Variants in NACC1 observed in about 807,000 individuals in gnomAD.
NACC1 encodes the protein nucleus accumbens-associated protein 1.
NACC1 carries 6 observed loss-of-function variants against 41.7 expected under a neutral mutation model. The ratio of observed to expected loss-of-function variants is 0.14; its 90% confidence interval spans 0.08 to 0.28. NACC1 has a LOEUF of 0.28. Ranked by LOEUF, NACC1 falls within the 10% of genes least tolerant of loss-of-function variation. The probability of loss-of-function intolerance (pLI) is 1.00; values close to 1 mark genes in which losing one functional copy is unlikely to be tolerated. For synonymous variants in NACC1, 338 were observed against 330.6 expected, an observed-to-expected ratio of 1.02 and a Z score of -0.24; for missense variants, 434 against 763.7, an observed-to-expected ratio of 0.57 and a Z score of 5.09.
At chr19:13,117,846 G>C (rs533797743), upstream of NACC1, among the ~76,000 whole-genome samples, 184 of 152,252 alleles carry the variant, frequency 1.2e-3, 1 homozygote, top group Non-Finnish European at 1.5e-3. Flanking sequence ...GAGACACCGC[G>C]CCCAGCTGCC....
intron 1 of NACC1, among the ~76,000 whole-genome samples, chr19:13,120,953 T>A (rs1224394583): frequency 6.6e-6 from 1 of 152,202 alleles, no homozygotes; most frequent in East Asian, 1.9e-4. Flanking sequence ...CACTGCTGGG[T>A]GCTGACTCCC....
intron 1 of NACC1, among the ~76,000 whole-genome samples, chr19:13,118,955 TGAG>T (rs1264789506): frequency 2.0e-5 from 3 of 146,550 alleles, no homozygotes; most frequent in Non-Finnish European, 4.5e-5. Context: ...TGGGGGCGGC[TGAG>T]GAGAAGCCCA....
intron 1 of NACC1, among the ~76,000 whole-genome samples, chr19:13,119,089 G>A (rs1296455264): frequency 6.6e-6 from 1 of 151,070 alleles, no homozygotes; most frequent in Non-Finnish European, 1.5e-5. Context: ...GGGGAGGCTA[G>A]ATGTGGGGGC....
chr19:13,137,430 C>T lies in NACC1; in HGVS notation c.1227-48C>T, dbSNP rs201961947. 19 of 1,611,632 alleles carry T rather than the reference C, an allele frequency of 1.2e-5. No homozygotes were observed. Among genetic ancestry groups the T allele is most frequent in the Non-Finnish European group, 1.5e-5 (18 of 1,178,660 alleles). On this transcript the variant is annotated intron_variant, in intron 4 of 5. Coordinates refer to ENST00000292431, the MANE Select transcript of NACC1 (RefSeq NM_052876.4). This position sits in a 1 kb window ranked among gnomAD's most constrained non-coding sequence, Gnocchi z 6.1. ...GGGGGTGGGGTTTCCCCATGTCCCC[C>T]CCACCACCAACTTGAGCGCTGACTC...
chr19:13,124,023 T>C (rs1047664816), intron 1 of NACC1, among the ~76,000 whole-genome samples: 8 of 152,162 alleles, frequency 5.3e-5, no homozygotes, highest in Admixed American at 1.3e-4. Flanking sequence ...TAGGGGACAC[T>C]GTTACTAATC....
At chr19:13,117,744 G>A (rs1273273805), upstream of NACC1, among the ~76,000 whole-genome samples, 1 of 152,012 alleles carries the variant, frequency 6.6e-6, no homozygotes, top group East Asian at 1.9e-4. Flanking sequence ...AGTAGAGACA[G>A]AGTTTCACCA....
rs1052593055 is a variant in NACC1, at chr19:13,138,566, G to A, written c.*160G>A. The A allele has an allele frequency of 1.4e-5, 16 of 1,121,000 alleles. No homozygotes were observed. Among genetic ancestry groups the A allele is most frequent in the Admixed American group, 1.1e-4 (4 of 38,088 alleles). 69.4% of individuals were successfully genotyped at this position (1,121,000 alleles called of 1,614,324 possible). A position where few individuals can be genotyped will look rare whatever the true frequency, so the allele number is the denominator to read the frequency against. On this transcript the variant is annotated 3_prime_UTR_variant, in exon 6 of 6. Coordinates refer to ENST00000292431, the MANE Select transcript of NACC1 (RefSeq NM_052876.4). The surrounding 1 kb of genome is among the most constrained non-coding windows in gnomAD (Gnocchi z 5.7). ...TCCTGTCCTACCCCCTTTCCCCACC[G>A]AGAGCTGGGCCGGGAGAGGACCGCA...
upstream of NACC1, among the ~76,000 whole-genome samples, chr19:13,117,824 G>T (rs2019411489): frequency 6.6e-6 from 1 of 152,226 alleles, no homozygotes; most frequent in South Asian, 2.1e-4. Context: ...AAAGTGCTGG[G>T]ATTACAGGCG....
rs1205009989 is a variant in NACC1 at position 13,137,089 on chromosome 19, A to G, written c.1121-182A>G. On this transcript the variant is annotated intron_variant, in intron 3 of 5. Coordinates refer to ENST00000292431, the MANE Select transcript of NACC1 (RefSeq NM_052876.4). The surrounding 1 kb of genome is among the most constrained non-coding windows in gnomAD (Gnocchi z 6.1). ...CACTGATGAGGTTGGGGGAGCCCCA[A>G]GGAGCCTCCCCTGACTGCCCTTGGT... 6.6e-6 allele frequency among the ~76,000 whole-genome samples: 1 copy of G among 152,204 alleles called. No homozygotes were observed. The highest frequency in any genetic ancestry group is 2.4e-5 in the African/African-American group (1 of 41,464).
At position 13,127,371 on chromosome 19, in the gene NACC1, C is replaced by CTTTTTTTTTTTTTTT. The variant is rs147514422; in HGVS notation, c.-8-7814_-8-7800dup. ...AAAAAAAAGCATACATATACATATA[C>CTTTTTTTTTTTTTTT]TTTTTTTTTTTTTTTTTTTTTTTTT... On this transcript the variant is annotated intron_variant, in intron 1 of 5. Coordinates refer to ENST00000292431, the MANE Select transcript of NACC1 (RefSeq NM_052876.4). Among the ~76,000 whole-genome samples the CTTTTTTTTTTTTTTT allele has an allele frequency of 1.2e-3, 34 of 28,516 alleles. 6 individuals carry two copies. The highest frequency in any genetic ancestry group is 2.0e-3 in the East Asian group (2 of 980). The allele number at this position is 28,516 out of a possible 152,430, so 18.7% of individuals were successfully genotyped here. A position where few individuals can be genotyped will look rare whatever the true frequency, so the allele number is the denominator to read the frequency against.
chr19:13,136,460 C>T lies in NACC1; in HGVS notation c.1120+55C>T. ...CTCCGCAGCTTTGGAGCCGGCTGGCCTGGGCTGGGCTGGGCAGCTGGTTAG... is the reference window on the plus strand; with the variant it reads ...CTCCGCAGCTTTGGAGCCGGCTGGCTTGGGCTGGGCTGGGCAGCTGGTTAG... On this transcript the variant is annotated intron_variant, in intron 3 of 5. Coordinates refer to ENST00000292431, the MANE Select transcript of NACC1 (RefSeq NM_052876.4). The surrounding 1 kb of genome is among the most constrained non-coding windows in gnomAD (Gnocchi z 5.5). The T allele has an allele frequency of 6.5e-7, 1 of 1,537,378 alleles. No homozygotes were observed. The highest frequency in any genetic ancestry group is 1.4e-5 in the African/African-American group (1 of 72,768).
chr19:13,124,397 C>G (rs1302500059), intron 1 of NACC1, among the ~76,000 whole-genome samples: 1 of 151,324 alleles, frequency 6.6e-6, no homozygotes, highest in African/African-American at 2.4e-5. Flanking sequence ...AAGACTGTCT[C>G]AACAAAAAAG....
At position 13,136,648 on chromosome 19, in the gene NACC1, G is replaced by A. The variant is rs1290981536; in HGVS notation, c.1120+243G>A. Among the ~76,000 whole-genome samples, 5 of 152,182 alleles carry A rather than the reference G, an allele frequency of 3.3e-5. No individual in the cohort carries two copies. Among genetic ancestry groups the A allele is most frequent in the African/African-American group, 9.7e-5 (4 of 41,450 alleles). On this transcript the variant is annotated intron_variant, in intron 3 of 5. Coordinates refer to ENST00000292431, the MANE Select transcript of NACC1 (RefSeq NM_052876.4). This position sits in a 1 kb window ranked among gnomAD's most constrained non-coding sequence, Gnocchi z 5.5. ...GAGCATTGGCTATTATTGTTTGGCC[G>A]CATGGGTAGATTAGCTACTTCCCGG...
At chr19:13,117,652 C>G (rs1259652538), upstream of NACC1, 2 of 151,234 alleles carry the variant, frequency 1.3e-5, no homozygotes, top group Non-Finnish European at 2.9e-5. Flanking sequence ...CTCCCGGGTG[C>G]AAGCGATTCT....
chr19:13,138,062 G>T lies in NACC1; in HGVS notation c.1325-85G>T. ...CTCGTTTCCCCTTTGAGAGGGAGTC[G>T]CAGATGCTGTAGGGGAGCTGGTGAG... On this transcript the variant is annotated intron_variant, in intron 5 of 5. Coordinates refer to ENST00000292431, the MANE Select transcript of NACC1 (RefSeq NM_052876.4). This position sits in a 1 kb window ranked among gnomAD's most constrained non-coding sequence, Gnocchi z 5.7. The T allele has an allele frequency of 6.4e-7, 1 of 1,554,992 alleles. No homozygotes were observed. Among genetic ancestry groups the T allele is most frequent in the Non-Finnish European group, 8.7e-7 (1 of 1,147,598 alleles).
intron 1 of NACC1, among the ~76,000 whole-genome samples, chr19:13,128,607 G>T (rs933575561): frequency 6.6e-6 from 1 of 152,150 alleles, no homozygotes; most frequent in African/African-American, 2.4e-5. Context: ...ATCCACTACT[G>T]CCCTTCCTAG....
Position 13,138,032 on chromosome 19 carries a change from C to T in NACC1, c.1325-115C>T. The T allele has an allele frequency of 6.8e-7, 1 of 1,478,300 alleles. No homozygotes were observed. Among genetic ancestry groups the T allele is most frequent in the South Asian group, 1.3e-5 (1 of 79,118 alleles). The allele number at this position is 1,478,300 out of a possible 1,614,324, so 91.6% of individuals were successfully genotyped here. A position where few individuals can be genotyped will look rare whatever the true frequency, so the allele number is the denominator to read the frequency against. ...GTAGTGTGGTGTCCTGGCCGCGTGG[C>T]CTCACTCGTTTCCCCTTTGAGAGGG... is the stretch of plus-strand genomic sequence containing the variant. On this transcript the variant is annotated intron_variant, in intron 5 of 5. Transcript: ENST00000292431. This position sits in a 1 kb window ranked among gnomAD's most constrained non-coding sequence, Gnocchi z 5.7.
intron 1 of NACC1, among the ~76,000 whole-genome samples, chr19:13,120,190 CCTT>C (rs2019471358): frequency 6.6e-6 from 1 of 152,114 alleles, no homozygotes; most frequent in Non-Finnish European, 1.5e-5. Context: ...CCTGGTCACC[CCTT>C]CTTCCCCATT....
chr19:13,122,344 A>G (rs1184774098), intron 1 of NACC1, among the ~76,000 whole-genome samples: 1 of 152,060 alleles, frequency 6.6e-6, no homozygotes, highest in East Asian at 1.9e-4. Flanking sequence ...CACACTTAGC[A>G]CCACCCCTGT....
Sources: allele counts gnomAD v4.1 joint callset (sites outside exome capture counted in the v4.1 genomes callset), GRCh38; gene constraint gnomAD v4.1.1; non-coding constraint Gnocchi (gnomAD v3.1); transcripts MANE v1.5; gene names NCBI Gene and HGNC (gene_info 2026-07-23, HGNC 2026-07-21).